The following SCRG1 variants were observed in gnomAD, a reference collection of about 807,000 sequenced individuals.
SCRG1 encodes scrapie-responsive protein 1.
A neutral mutation model predicts 7.7 loss-of-function variants in SCRG1; 3 were observed. That is an observed-to-expected ratio of 0.39 (90% CI 0.18 to 1.01). The LOEUF (loss-of-function observed/expected upper bound fraction) is 1.01. SCRG1 is among the 50% of genes least tolerant of loss of function. The probability of loss-of-function intolerance (pLI) is 0.36; values close to 1 mark genes in which losing one functional copy is unlikely to be tolerated. For synonymous variants in SCRG1, 46 were observed against 41.2 expected, an observed-to-expected ratio of 1.12 and a Z score of -0.44; for missense variants, 110 against 117.2, an observed-to-expected ratio of 0.94 and a Z score of 0.28.
At chr4:173,462,502 A>T in the SCRG1 span, among the ~76,000 whole-genome samples, 1 of 152,192 alleles carries the variant, frequency 6.6e-6, no homozygotes, top group Non-Finnish European at 1.5e-5. Context: ...ACTTTCCCAG[A>T]CAATAGAAGT....
At chr4:173,504,309 G>A in the SCRG1 span, among the ~76,000 whole-genome samples, 4 of 152,126 alleles carry the variant, frequency 2.6e-5, no homozygotes, top group Non-Finnish European at 4.4e-5. This position sits in a 1 kb window ranked among gnomAD's most constrained non-coding sequence, Gnocchi z 4.7. Flanking sequence ...CGCAAACGGC[G>A]TGCTCCTCCG....
the SCRG1 span, among the ~76,000 whole-genome samples, chr4:173,439,215 C>T: frequency 1.3e-5 from 2 of 152,102 alleles, no homozygotes; most frequent in African/African-American, 4.8e-5. Flanking sequence ...TCAGGAATAC[C>T]CATTTAAATG....
At chr4:173,479,329 A>AT in the SCRG1 span, among the ~76,000 whole-genome samples, 2 of 151,936 alleles carry the variant, frequency 1.3e-5, no homozygotes, top group African/African-American at 4.8e-5. Flanking sequence ...ACACTGGTTC[A>AT]TTTTCATAAT....
the SCRG1 span, among the ~76,000 whole-genome samples, chr4:173,509,106 AAGG>A: frequency 6.6e-6 from 1 of 152,158 alleles, no homozygotes; most frequent in Non-Finnish European, 1.5e-5. The surrounding 1 kb of genome is among the most constrained non-coding windows in gnomAD (Gnocchi z 5.7). Flanking sequence ...CACGAGTACT[AAGG>A]AGGAGTCCAG....
chr4:173,395,089 C>A (rs188766373), intron 1 of SCRG1, among the ~76,000 whole-genome samples: 266 of 152,214 alleles, frequency 1.7e-3, no homozygotes, highest in African/African-American at 6.1e-3. Flanking sequence ...AGTTTTAGGT[C>A]TCAGTTTAAA....
At chr4:173,495,599 C>A in the SCRG1 span, among the ~76,000 whole-genome samples, 1 of 152,232 alleles carries the variant, frequency 6.6e-6, no homozygotes, top group Non-Finnish European at 1.5e-5. Flanking sequence ...CTTTTGCATT[C>A]ACTTTTCATT....
the SCRG1 span, among the ~76,000 whole-genome samples, chr4:173,500,896 G>GAAACGGCGATCTT: frequency 2.0e-5 from 3 of 152,230 alleles, no homozygotes; most frequent in Non-Finnish European, 4.4e-5. Context: ...CACCGCCGGA[G>GAAACGGCGATCTT]AAACGGCGAT....
intron 1 of SCRG1, among the ~76,000 whole-genome samples, chr4:173,398,589 G>A (rs1006074138): frequency 6.6e-6 from 1 of 152,190 alleles, no homozygotes; most frequent in African/African-American, 2.4e-5. Context: ...TCACACATTT[G>A]TACCAGGTTC....
chr4:173,463,947 G>A, the SCRG1 span, among the ~76,000 whole-genome samples: 5 of 152,060 alleles, frequency 3.3e-5, no homozygotes, highest in Non-Finnish European at 7.4e-5. Context: ...AAGATTCAAC[G>A]GACAATGGGG....
the SCRG1 span, among the ~76,000 whole-genome samples, chr4:173,458,143 A>G: frequency 2.6e-5 from 4 of 152,290 alleles, no homozygotes. Context: ...AAATGATCCA[A>G]ACTCAGAAGT....
At chr4:173,487,306 A>G in the SCRG1 span, among the ~76,000 whole-genome samples, 6 of 152,202 alleles carry the variant, frequency 3.9e-5, no homozygotes, top group Non-Finnish European at 7.3e-5. Flanking sequence ...TTACACTTCA[A>G]CACAAGCAAT....
At chr4:173,491,299 G>A in the SCRG1 span, among the ~76,000 whole-genome samples, 1 of 149,318 alleles carries the variant, frequency 6.7e-6, no homozygotes, top group African/African-American at 2.5e-5. Flanking sequence ...TCTTTGCTCC[G>A]GGATCTGGGC....
chr4:173,419,807 A>G, the SCRG1 span: 1 of 1,464,026 alleles, frequency 6.8e-7, no homozygotes, highest in South Asian at 1.1e-5. Flanking sequence ...AGTCACCTCC[A>G]CTTGGCCTTC....
the SCRG1 span, among the ~76,000 whole-genome samples, chr4:173,510,661 G>A: frequency 2.0e-5 from 3 of 152,064 alleles, no homozygotes; most frequent in Non-Finnish European, 2.9e-5. This position sits in a 1 kb window ranked among gnomAD's most constrained non-coding sequence, Gnocchi z 5.7. Flanking sequence ...GATTCCCTGT[G>A]AATCCACTCT....
chr4:173,418,484 A>G, the SCRG1 span, among the ~76,000 whole-genome samples: 1 of 152,254 alleles, frequency 6.6e-6, no homozygotes, highest in Non-Finnish European at 1.5e-5. Flanking sequence ...ATGAAACATA[A>G]GCAAGAAATA....
At chr4:173,442,977 T>C in the SCRG1 span, among the ~76,000 whole-genome samples, 1 of 152,194 alleles carries the variant, frequency 6.6e-6, no homozygotes, top group Non-Finnish European at 1.5e-5. Context: ...ATTCAGTACT[T>C]ATCTTTCAGT....
chr4:173,513,364 A>G, the SCRG1 span, among the ~76,000 whole-genome samples: 3 of 152,276 alleles, frequency 2.0e-5, no homozygotes, highest in African/African-American at 4.8e-5. Context: ...CTGAGTTTAC[A>G]TCATGAAAGG....
At chr4:173,505,859 G>T in the SCRG1 span, among the ~76,000 whole-genome samples, 1 of 152,216 alleles carries the variant, frequency 6.6e-6, no homozygotes, top group South Asian at 2.1e-4. The surrounding 1 kb of genome is among the most constrained non-coding windows in gnomAD (Gnocchi z 4.4). Flanking sequence ...GGTTTCCAGA[G>T]CTCCACACTT....
the SCRG1 span, among the ~76,000 whole-genome samples, chr4:173,463,367 C>T: frequency 2.6e-5 from 4 of 152,230 alleles, no homozygotes; most frequent in South Asian, 4.1e-4. Flanking sequence ...TCTGCCCCCC[C>T]GGGTTTAAGT....
Sources: allele counts gnomAD v4.1 joint callset (sites outside exome capture counted in the v4.1 genomes callset), GRCh38; gene constraint gnomAD v4.1.1; non-coding constraint Gnocchi (gnomAD v3.1); transcripts MANE v1.5; gene names NCBI Gene and HGNC (gene_info 2026-07-23, HGNC 2026-07-21).